TNRC6A: variants seen among roughly 807,000 people sequenced by gnomAD.
TNRC6A encodes the protein trinucleotide repeat containing adaptor 6A, also known as trinucleotide repeat-containing gene 6A protein.
A neutral mutation model predicts 221.2 loss-of-function variants in TNRC6A; 44 were observed. The observed-to-expected ratio is 0.20, with a 90% confidence interval of 0.16 to 0.26. The LOEUF (loss-of-function observed/expected upper bound fraction) is 0.26, where lower values mean the gene tolerates loss of function less well. Among genes scored for constraint, TNRC6A ranks in the 10% least tolerant of loss-of-function variants. The pLI is 1.00. For synonymous variants in TNRC6A, 847 were observed against 838.5 expected, an observed-to-expected ratio of 1.01 and a Z score of -0.18; for missense variants, 2,199 against 2,404.4, an observed-to-expected ratio of 0.91 and a Z score of 1.79.
intron 18 of TNRC6A, among the ~76,000 whole-genome samples, chr16:24,810,658 G>C (rs1418174602): frequency 6.6e-6 from 1 of 152,120 alleles, no homozygotes; most frequent in Non-Finnish European, 1.5e-5. Context: ...GGTGAATTCT[G>C]TATCTCGGCA....
chr16:24,677,990 C>T (rs2055454204), intron 2 of TNRC6A, among the ~76,000 whole-genome samples: 1 of 152,060 alleles, frequency 6.6e-6, no homozygotes, highest in African/African-American at 2.4e-5. Flanking sequence ...TGAGTGTGGG[C>T]TGGATGTAGT....
At chr16:24,717,857 T>C (rs1000171858) in intron 2 of TNRC6A, among the ~76,000 whole-genome samples, 1 of 146,730 alleles carries the variant, frequency 6.8e-6, no homozygotes, top group Non-Finnish European at 1.5e-5. Flanking sequence ...CTACAACCTC[T>C]GCCACCTGGG....
intron 2 of TNRC6A, among the ~76,000 whole-genome samples, chr16:24,659,333 A>G (rs2054980325): frequency 6.6e-6 from 1 of 151,966 alleles, no homozygotes; most frequent in Admixed American, 6.6e-5. Flanking sequence ...TCATTTTGTT[A>G]TTCAAGATGT....
chr16:24,691,454 A>G (rs1219062318), intron 2 of TNRC6A, among the ~76,000 whole-genome samples: 2 of 152,234 alleles, frequency 1.3e-5, no homozygotes, highest in Non-Finnish European at 2.9e-5. Context: ...GAAAAAGGAA[A>G]CATTTAGAAA....
At chr16:24,655,071 C>T (rs199606082) in intron 2 of TNRC6A, among the ~76,000 whole-genome samples, 1 of 151,900 alleles carries the variant, frequency 6.6e-6, no homozygotes, top group Non-Finnish European at 1.5e-5. Flanking sequence ...GACAGAACCC[C>T]ATCGCTACAA....
chr16:24,721,616 G>A lies in TNRC6A; in HGVS notation n.403-29110G>A, dbSNP rs371086749. Reference sequence around the variant, plus strand: ...AGCCCAAAGAGTTTGAGATCAGCCCGGACAACGTGGCAAAACCCCATCTCT... The same window carrying A: ...AGCCCAAAGAGTTTGAGATCAGCCCAGACAACGTGGCAAAACCCCATCTCT... On this transcript the variant is annotated intron_variant and non_coding_transcript_variant, in intron 2 of 2. Transcript: ENST00000566108. 2.4e-4 allele frequency among the ~76,000 whole-genome samples: 36 copies of A among 152,232 alleles called. No individual in the cohort carries two copies. In the East Asian group the frequency reaches 4.4e-3, roughly 19 times the overall value.
At chr16:24,698,378 C>G (rs887556170) in intron 2 of TNRC6A, among the ~76,000 whole-genome samples, 2 of 152,030 alleles carry the variant, frequency 1.3e-5, no homozygotes, top group African/African-American at 2.4e-5. Context: ...TTTGAGGCAC[C>G]AGCAGTAGTG....
chr16:24,622,757 G>C (rs1900741872), intron 1 of TNRC6A, among the ~76,000 whole-genome samples: 1 of 152,174 alleles, frequency 6.6e-6, no homozygotes, highest in Non-Finnish European at 1.5e-5. Context: ...TGGTGACAGG[G>C]TTGTATGTGA....
chr16:24,669,941 C>CTTTTTTTTTTTTTTTTTTTTTTTTTTT (rs535737725), intron 2 of TNRC6A, among the ~76,000 whole-genome samples: 2 of 27,188 alleles, frequency 7.4e-5, no homozygotes, highest in African/African-American at 2.7e-4. Flanking sequence ...GAGGCAGCTA[C>CTTTTTTTTTTTTTTTTTTTTTTTTTTT]TTTTTTTTTT....
At chr16:24,625,739 A>AAC (rs1555480522) in intron 1 of TNRC6A, among the ~76,000 whole-genome samples, 3 of 50,878 alleles carry the variant, frequency 5.9e-5, no homozygotes, top group Non-Finnish European at 1.1e-4. Context: ...TCTCAAAACA[A>AAC]AAAAAAAAAA....
chr16:24,684,303 G>A (rs994745886), intron 2 of TNRC6A, among the ~76,000 whole-genome samples: 2 of 152,028 alleles, frequency 1.3e-5, no homozygotes, highest in African/African-American at 4.8e-5. Context: ...TACTTGGGGG[G>A]CTGAGGTGGG....
chr16:24,706,229 C>G (rs563107879), intron 2 of TNRC6A, among the ~76,000 whole-genome samples: 16 of 152,186 alleles, frequency 1.1e-4, no homozygotes, highest in African/African-American at 3.9e-4. Context: ...TAAACTTAAC[C>G]TTTAATTTTA....
At chr16:24,752,931 A>G (rs2057169393) in intron 3 of TNRC6A, among the ~76,000 whole-genome samples, 1 of 152,166 alleles carries the variant, frequency 6.6e-6, no homozygotes, top group Non-Finnish European at 1.5e-5. Flanking sequence ...TATTCTATTT[A>G]CTGAGAAATT....
At chr16:24,714,460 C>G (rs2056273802) in intron 2 of TNRC6A, among the ~76,000 whole-genome samples, 1 of 151,800 alleles carries the variant, frequency 6.6e-6, no homozygotes, top group African/African-American at 2.4e-5. Context: ...AGGTGCCCAC[C>G]ACCAAACCCG....
chr16:24,703,810 G>A (rs750102542), intron 2 of TNRC6A, among the ~76,000 whole-genome samples: 81 of 151,818 alleles, frequency 5.3e-4, no homozygotes, highest in Non-Finnish European at 7.7e-4. Flanking sequence ...TTGGCCGGGC[G>A]TGGTGGCTCA....
chr16:24,730,168 C>T (rs1427760038), intron 1 of TNRC6A, 85 bp from the exon 2 acceptor site: 24 of 1,390,452 alleles, frequency 1.7e-5, no homozygotes, highest in Non-Finnish European at 2.3e-5. Flanking sequence ...GCGCGAGCCT[C>T]TGCCGCAGCA....
At chr16:24,670,859 G>T in intron 2 of TNRC6A, 1 of 246,416 alleles carries the variant, frequency 4.1e-6, no homozygotes, top group Non-Finnish European at 8.9e-6. Flanking sequence ...TCTCCAACCT[G>T]TCAGTCCCTC....
intron 2 of TNRC6A, among the ~76,000 whole-genome samples, chr16:24,721,160 T>G (rs113020273): frequency 6.6e-6 from 1 of 152,214 alleles, no homozygotes; most frequent in Non-Finnish European, 1.5e-5. Flanking sequence ...GAGGTTGAGA[T>G]GCAACCGGGT....
chr16:24,760,596 G>C (rs971034763), intron 4 of TNRC6A, among the ~76,000 whole-genome samples: 1 of 152,038 alleles, frequency 6.6e-6, no homozygotes, highest in Admixed American at 6.6e-5. Flanking sequence ...TCATGAAAAT[G>C]TATTGTTTTA....
Sources: allele counts gnomAD v4.1 joint callset (sites outside exome capture counted in the v4.1 genomes callset), GRCh38; gene constraint gnomAD v4.1.1; transcripts MANE v1.5; gene names NCBI Gene and HGNC (gene_info 2026-07-23, HGNC 2026-07-21).